The following GLUL variants were observed in gnomAD, a reference collection of about 807,000 sequenced individuals.
GLUL encodes glutamine synthetase.
GLUL carries 8 observed loss-of-function variants against 36.9 expected under a neutral mutation model. The observed-to-expected ratio is 0.22, with a 90% CI of 0.13 to 0.39. The LOEUF (loss-of-function observed/expected upper bound fraction) is 0.39, where lower values mean the gene tolerates loss of function less well. Among genes scored for constraint, GLUL ranks in the 10% least tolerant of loss-of-function variants. The pLI is 1.00. For synonymous variants in GLUL, 182 were observed against 172.8 expected, an observed-to-expected ratio of 1.05 and a Z score of -0.42; for missense variants, 315 against 501.8, an observed-to-expected ratio of 0.63 and a Z score of 3.56.
chr1:182,385,321 A>C (rs1650125231), intron 6 of GLUL, 36 bp downstream of exon 6: 1 of 1,487,846 alleles, frequency 6.7e-7, no homozygotes, highest in African/African-American at 1.4e-5. Flanking sequence ...TTTCTGCCAC[A>C]GGAGATTAAA....
At position 182,386,241 on chromosome 1, in the gene GLUL, C is replaced by G; in HGVS notation, c.475+15G>C. ...ACACTTCTGGGAATTTCACCTCTAA[C>G]CCAAGGAGACTTACCCTGGGGCCCT... is the stretch of plus-strand genomic sequence containing the variant. On this transcript the variant is annotated intron_variant, in intron 4 of 6. Coordinates refer to ENST00000331872, the MANE Select transcript of GLUL (RefSeq NM_001033044.4). The G allele has an allele frequency of 8.7e-6, 14 of 1,611,492 alleles. No individual in the cohort carries two copies. The highest frequency in any genetic ancestry group is 1.2e-5 in the Non-Finnish European group (14 of 1,178,658).
chr1:182,387,112 T>C lies in GLUL; in HGVS notation c.328+19A>G, dbSNP rs17462824. 151,362 of 1,591,528 alleles carry C rather than the reference T, an allele frequency of 0.095. 8,205 individuals are homozygous for C. Among genetic ancestry groups the C allele is most frequent in the Non-Finnish European group, 0.11 (126,300 of 1,159,716 alleles). On this transcript the variant is annotated intron_variant, in intron 3 of 6. Transcript: ENST00000331872. ...TTCACAGATTGAGGAGGGGTATCCA[T>C]AGCTGTGCTATAACACACCTGCAGG...
At chr1:182,388,854 G>C (rs1179418445) in intron 1 of GLUL, 104 bp from the exon 2 acceptor site, 2 of 848,352 alleles carry the variant, frequency 2.4e-6, no homozygotes, top group Non-Finnish European at 4.0e-6. Context: ...GAGTGTAAGT[G>C]CCAACTCCTT....
intron 4 of GLUL, 60 bp downstream of exon 4, chr1:182,386,196 G>A (rs371924910): frequency 4.7e-6 from 7 of 1,476,870 alleles, no homozygotes; most frequent in Non-Finnish European, 5.7e-6. Flanking sequence ...CCCTGGGAAG[G>A]GGCATTCCTG....
At chr1:182,387,820 T>C (rs1174706223) in intron 2 of GLUL, among the ~76,000 whole-genome samples, 1 of 152,222 alleles carries the variant, frequency 6.6e-6, no homozygotes, top group Non-Finnish European at 1.5e-5. Flanking sequence ...GACTGAGTTC[T>C]CTGAAGGCAG....
Position 182,381,157 on chromosome 1 carries a change from C to T in GLUL, c.*3248G>A, listed in dbSNP as rs550193212. ...TGGTGCACACCTGTAGTCTCAGCTA[C>T]TTGGGAGGCTGAGGCAGGAGAATCG... On this transcript the variant is annotated 3_prime_UTR_variant, in exon 7 of 7. Coordinates refer to ENST00000331872, the MANE Select transcript of GLUL (RefSeq NM_001033044.4). 1.2e-3 allele frequency among the ~76,000 whole-genome samples: 186 copies of T among 152,300 alleles called. 8 individuals carry two copies. The South Asian group carries it at 0.037, about 31-fold the overall frequency.
At chr1:182,390,247 A>G (rs1455283191) in intron 1 of GLUL, 4 of 341,312 alleles carry the variant, frequency 1.2e-5, no homozygotes, top group Non-Finnish European at 2.1e-5. Context: ...AAAAACCTAC[A>G]ACCCAATTTC....
In GLUL at chr1:182,388,482, A is replaced by C. The variant is rs916970050; in HGVS notation, c.166+90T>G. 4 of 1,108,952 alleles carry C rather than the reference A, an allele frequency of 3.6e-6. No individual in the cohort carries two copies. In the South Asian group the frequency reaches 5.0e-5, roughly 14 times the overall value. 68.7% of individuals were successfully genotyped at this position (1,108,952 alleles called of 1,614,324 possible). On this transcript the variant is annotated intron_variant, in intron 2 of 6. Coordinates refer to ENST00000331872, the MANE Select transcript of GLUL (RefSeq NM_001033044.4). ...GAAAACCTTTACAAACAGAAGAAAG[A>C]GGCCTAATCCAGAGGCTGAGTCAAA...
Position 182,381,743 on chromosome 1 carries a change from G to A in GLUL, c.*2662C>T, listed in dbSNP as rs1020210290. On this transcript the variant is annotated 3_prime_UTR_variant, in exon 7 of 7. Coordinates refer to ENST00000331872, the MANE Select transcript of GLUL (RefSeq NM_001033044.4). The stretch of plus-strand genomic sequence containing the variant: ...CTTCAGTTTAGTGCTTACACTGTAG[G>A]ATACACCATCCAAGAGGCTGTAAGG... The A allele has an allele frequency of 6.6e-6, 1 of 152,170 alleles. No individual in the cohort carries two copies. Among genetic ancestry groups the A allele is most frequent in the African/African-American group, 2.4e-5 (1 of 41,440 alleles). The allele number at this position is 152,170 out of a possible 1,614,324, so 9.4% of individuals were successfully genotyped here. A position where few individuals can be genotyped will look rare whatever the true frequency, so the allele number is the denominator to read the frequency against.
In GLUL at chr1:182,385,446, A is replaced by G. The variant is rs768089308; in HGVS notation, c.714T>C (p.Phe238=). 37 of 1,613,768 alleles carry G rather than the reference A, an allele frequency of 2.3e-5. No individual in the cohort carries two copies. The highest frequency in any genetic ancestry group is 3.1e-5 in the Non-Finnish European group (36 of 1,179,802). ...AGTTCCCAGGAATGGGCTTAGGATC[A>G]AAGGTTGCTATCACTCCAAAGTCTT... The part of the protein sequence containing the change: ...VCEDFGVIAT[F]DPKPIPGNWN... The change falls in exon 6 of 7, where the codon TTT becomes TTC. Residue 238 remains phenylalanine, a synonymous_variant. Transcript: ENST00000331872.
At chr1:182,385,585 C>T in intron 5 of GLUL, 29 bp from the exon 6 acceptor site, 1 of 1,596,836 alleles carries the variant, frequency 6.3e-7, no homozygotes, top group Non-Finnish European at 8.6e-7. Flanking sequence ...GCCATTAAAA[C>T]AAAGCTAACT....
intron 1 of GLUL, chr1:182,390,896 G>C: frequency 2.5e-6 from 1 of 398,832 alleles, no homozygotes; most frequent in Non-Finnish European, 4.4e-6. Context: ...TTTGAGAGCA[G>C]CCCCTTCCCA....
Position 182,384,420 on chromosome 1 carries a change from G to A in GLUL, c.1107C>T (p.Phe369=). The change falls in exon 7 of 7, where the codon TTC becomes TTT. Residue 369 remains phenylalanine (F), a synonymous_variant. Transcript: ENST00000331872. ...TCTAGTCCACTTAATTTTTGTACTG[G>A]AAGGGCTCATCGCCGGTTTCATTGA... The part of the protein sequence containing the change: ...CLLNETGDEP[F]QYKN The A allele has an allele frequency of 6.2e-7, 1 of 1,612,944 alleles. No homozygotes were observed. The highest frequency in any genetic ancestry group is 1.1e-5 in the South Asian group (1 of 91,038).
intron 4 of GLUL, 102 bp from the exon 5 acceptor site, chr1:182,385,989 C>T (rs1650163440): frequency 8.0e-7 from 1 of 1,254,100 alleles, no homozygotes. Flanking sequence ...GAATCACTAT[C>T]CTTGCCTTCA....
chr1:182,391,482 C>T, intron 1 of GLUL, 197 bp downstream of exon 1: 1 of 366,306 alleles, frequency 2.7e-6, no homozygotes. Flanking sequence ...CCAGCCCCGA[C>T]GGGTCCAAGC....
rs997172549 is a variant in GLUL at position 182,386,730 on chromosome 1, C to A, written c.329-328G>T. On this transcript the variant is annotated intron_variant, in intron 3 of 6. Transcript: ENST00000331872. Reference sequence around the variant, plus strand: ...CAAGCACCAAATGCCAGGCACTTAACCCTCTATTCACAAGACAGCTGCTTC... The same window carrying A: ...CAAGCACCAAATGCCAGGCACTTAAACCTCTATTCACAAGACAGCTGCTTC... 5 of 467,702 alleles carry A rather than the reference C, an allele frequency of 1.1e-5. No individual in the cohort carries two copies. In the Admixed American group the frequency reaches 1.3e-4, roughly 13 times the overall value. 29.0% of individuals were successfully genotyped at this position (467,702 alleles called of 1,614,324 possible). A position where few individuals can be genotyped will look rare whatever the true frequency, so the allele number is the denominator to read the frequency against.
chr1:182,379,701 A>G lies in GLUL; in HGVS notation c.*4704T>C, dbSNP rs1462433566. Among the ~76,000 whole-genome samples the G allele has an allele frequency of 6.6e-6, 1 of 151,276 alleles. No individual in the cohort carries two copies. The highest frequency in any genetic ancestry group is 1.5e-5 in the Non-Finnish European group (1 of 67,894). On this transcript the variant is annotated 3_prime_UTR_variant, in exon 7 of 7. Coordinates refer to ENST00000331872, the MANE Select transcript of GLUL (RefSeq NM_001033044.4). Reference sequence around the variant, plus strand: ...AGGTGCATGCCACCACGCCCAGCTAATTTTTCGTATTTTTTGTAGAGATGG... The same window carrying G: ...AGGTGCATGCCACCACGCCCAGCTAGTTTTTCGTATTTTTTGTAGAGATGG...
In GLUL at chr1:182,383,480, A is replaced by C. The variant is rs1297348373; in HGVS notation, c.*925T>G. ...CACGGAGATCAAGTGACTGCTAGTA[A>C]CGTGTTGTCTGTTAACTAATCCAGT... is the stretch of plus-strand genomic sequence containing the variant. On this transcript the variant is annotated 3_prime_UTR_variant, in exon 7 of 7. Transcript: ENST00000331872. 2 of 152,150 alleles carry C rather than the reference A, an allele frequency of 1.3e-5. No homozygotes were observed. The highest frequency in any genetic ancestry group is 2.9e-5 in the Non-Finnish European group (2 of 68,032). The allele number at this position is 152,150 out of a possible 1,614,324, so 9.4% of individuals were successfully genotyped here.
rs777692677 is a variant in GLUL at position 182,384,524 on chromosome 1, C to T, written c.1003G>A (p.Gly335Ser). The stretch of plus-strand genomic sequence containing the variant: ...GAGGGGCGACGATCTTCAAAGTAAC[C>T]CTTCTTCTCCTGGCCAACAGTCCGG... Reference protein sequence around the residue: ...IPRTVGQEKKGYFEDRRPSAN... With the variant: ...IPRTVGQEKKSYFEDRRPSAN... Residue 335 changes from glycine to serine, a missense_variant, in exon 7 of 7, where the codon GGT becomes AGT. Physicochemically the swap from Gly to Ser is moderately conservative, Grantham distance 56. This residue lies in a region of GLUL where 58 missense variants were observed against 89.5 expected (regional missense o/e 0.65). Transcript: ENST00000331872. 1 of 1,614,116 alleles carries T rather than the reference C, an allele frequency of 6.2e-7. No individual in the cohort carries two copies.
Sources: gnomAD v4.1 joint callset for allele counts (sites outside exome capture counted in the v4.1 genomes callset) on GRCh38, gnomAD v4.1.1 for gene constraint, gnomAD v4.1.1 regional missense constraint, MANE v1.5 for transcripts, NCBI Gene and HGNC (gene_info 2026-07-23, HGNC 2026-07-21) for gene names.